Variants in FKBP5 observed in about 807,000 individuals in gnomAD.
FKBP5 encodes the protein peptidyl-prolyl cis-trans isomerase FKBP5.
Under a neutral mutation model 50.5 loss-of-function variants are expected in FKBP5, and 23 were observed. The observed-to-expected ratio is 0.46, with a 90% CI of 0.33 to 0.65. The LOEUF (loss-of-function observed/expected upper bound fraction) is 0.65, where lower values mean the gene tolerates loss of function less well. Ranked by LOEUF, FKBP5 falls within the 30% of genes least tolerant of loss-of-function variation. FKBP5 has a pLI of 0.02. For missense variants in FKBP5, 411 were observed against 553.1 expected (o/e 0.74, Z 2.58); for synonymous variants, 176 against 190.6 (o/e 0.92, Z 0.63).
At chr6:35,620,674 G>A (rs1011730655) in intron 3 of FKBP5, among the ~76,000 whole-genome samples, 12 of 152,100 alleles carry the variant, frequency 7.9e-5, no homozygotes, top group African/African-American at 2.4e-4. Flanking sequence ...TTAAGCCTGG[G>A]AGCCCAGGAG....
At position 35,575,921 on chromosome 6, in the gene FKBP5, C is replaced by T. The variant is rs746311064; in HGVS notation, c.1288G>A (p.Gly430Ser). Residue 430 changes from glycine (G) to serine (S), a missense_variant, in exon 11 of 11, where the codon GGC becomes AGC. Gly to Ser is a moderately conservative substitution (Grantham distance 56). This residue lies in a region of FKBP5 where 88 missense variants were observed against 89.0 expected (regional missense o/e 0.99). Transcript: ENST00000357266. The stretch of plus-strand genomic sequence containing the variant: ...GTGACCCCTTCTGAAGTCTTCTTGC[C>T]CATTGCTTTATTGGCCTCTTCCTAA... ...DAKEEANKAM[G>S]KKTSEGVTNE... 5 of 1,613,064 alleles carry T rather than the reference C, an allele frequency of 3.1e-6. No homozygotes were observed. The highest frequency in any genetic ancestry group is 1.7e-4 in the Middle Eastern group (1 of 6,060).
At chr6:35,598,974 CAAAATAAATAAA>C (rs1267658556) in intron 5 of FKBP5, among the ~76,000 whole-genome samples, 4 of 150,714 alleles carry the variant, frequency 2.7e-5, no homozygotes, top group African/African-American at 4.9e-5. Flanking sequence ...GACTCCATCT[CAAAATAAATAAA>C]AAAATAAATA....
chr6:35,679,696 T>C (rs1039741650), intron 1 of FKBP5, among the ~76,000 whole-genome samples: 5 of 152,172 alleles, frequency 3.3e-5, no homozygotes, highest in African/African-American at 1.2e-4. Flanking sequence ...CTGCATGTTC[T>C]CACCTATAAG....
At chr6:35,627,928 A>AT (rs35468991) in intron 3 of FKBP5, among the ~76,000 whole-genome samples, 55,585 of 108,330 alleles carry the variant, frequency 0.51, 14,875 homozygotes, top group Middle Eastern at 0.61. Context: ...TGCCCAGCTA[A>AT]TTTTTTTTTT....
chr6:35,698,991 G>C (rs950210863), intron 2 of FKBP5, among the ~76,000 whole-genome samples: 2 of 152,168 alleles, frequency 1.3e-5, no homozygotes, highest in African/African-American at 4.8e-5. Context: ...ATTTGGTGGG[G>C]ACACAAATCC....
intron 5 of FKBP5, among the ~76,000 whole-genome samples, chr6:35,613,472 T>A (rs1763554226): frequency 6.6e-6 from 1 of 152,218 alleles, no homozygotes; most frequent in South Asian, 2.1e-4. Flanking sequence ...CACCTCGGCC[T>A]CCCAAAGTGC....
chr6:35,627,542 C>G (rs1404288338), intron 3 of FKBP5, among the ~76,000 whole-genome samples: 1 of 152,102 alleles, frequency 6.6e-6, no homozygotes, highest in Non-Finnish European at 1.5e-5. Context: ...ATAAGATTTG[C>G]AAACATTTTT....
intron 6 of FKBP5, among the ~76,000 whole-genome samples, chr6:35,594,960 C>T (rs1762936387): frequency 6.6e-6 from 1 of 151,924 alleles, no homozygotes. Context: ...TCTTGTGGTC[C>T]GAGGGTAAAA....
At chr6:35,587,179 T>A in intron 7 of FKBP5, 62 bp from the exon 8 acceptor site, 1 of 1,437,504 alleles carries the variant, frequency 7.0e-7, no homozygotes, top group Non-Finnish European at 9.8e-7. Flanking sequence ...TTGAGGCCTA[T>A]TGGAACAAAG....
rs545143931 is a variant in FKBP5, at chr6:35,641,417, G to A, written c.105+1303C>T. Among the ~76,000 whole-genome samples, 3 of 152,274 alleles carry A rather than the reference G, an allele frequency of 2.0e-5. No individual in the cohort carries two copies. In the South Asian group the frequency reaches 6.2e-4, roughly 32 times the overall value. ...TTATGTACTATACATAACTGTGACT[G>A]CAGTGCAGTAGGTTTGTTTACACCC... is the stretch of plus-strand genomic sequence containing the variant. On this transcript the variant is annotated intron_variant, in intron 2 of 10. Transcript: ENST00000357266.
chr6:35,651,847 TG>T, intron 1 of FKBP5: 1 of 882,226 alleles, frequency 1.1e-6, no homozygotes, highest in Non-Finnish European at 1.5e-6. Context: ...GTTTAACTTG[TG>T]GACAAAGACT....
intron 5 of FKBP5, among the ~76,000 whole-genome samples, chr6:35,612,810 G>T (rs1763530372): frequency 6.6e-6 from 1 of 152,196 alleles, no homozygotes; most frequent in African/African-American, 2.4e-5. Context: ...CCCCGATTCA[G>T]TTACCTCCCA....
intron 10 of FKBP5, among the ~76,000 whole-genome samples, chr6:35,576,304 A>G (rs757766188): frequency 1.3e-5 from 2 of 152,092 alleles, no homozygotes; most frequent in Admixed American, 6.5e-5. Context: ...TGGGGCTCCT[A>G]TAACATCCCA....
chr6:35,641,892 A>T (rs1764502292), intron 2 of FKBP5, among the ~76,000 whole-genome samples: 1 of 151,928 alleles, frequency 6.6e-6, no homozygotes, highest in Non-Finnish European at 1.5e-5. Context: ...GCTACTCGGG[A>T]GGCTGAGGCA....
At chr6:35,652,488 G>GC (rs916684576) in intron 1 of FKBP5, among the ~76,000 whole-genome samples, 5 of 152,088 alleles carry the variant, frequency 3.3e-5, no homozygotes, top group South Asian at 2.1e-4. Context: ...CTCTGAACTG[G>GC]CCCCCCCGGG....
intron 5 of FKBP5, among the ~76,000 whole-genome samples, chr6:35,602,215 A>AAAC (rs1763168034): frequency 6.6e-6 from 1 of 152,210 alleles, no homozygotes; most frequent in South Asian, 2.1e-4. Context: ...AAGAACCCCT[A>AAAC]AACCATGCAA....
At chr6:35,648,220 G>A (rs1764683332) in intron 1 of FKBP5, among the ~76,000 whole-genome samples, 1 of 152,054 alleles carries the variant, frequency 6.6e-6, no homozygotes, top group South Asian at 2.1e-4. Context: ...TTTCATCTTT[G>A]TCTCTGGCTT....
intron 6 of FKBP5, 24 bp downstream of exon 6, chr6:35,597,224 G>T: frequency 6.2e-7 from 1 of 1,612,702 alleles, no homozygotes; most frequent in Non-Finnish European, 8.5e-7. Flanking sequence ...ACTTCACTGT[G>T]TTCCAAACTG....
chr6:35,603,443 T>C (rs1203921883), intron 5 of FKBP5, among the ~76,000 whole-genome samples: 2 of 152,172 alleles, frequency 1.3e-5, no homozygotes. Context: ...AGCAAGTAAA[T>C]ATTTATTTAA....
Sources: gnomAD v4.1 joint callset for allele counts (sites outside exome capture counted in the v4.1 genomes callset) on GRCh38, gnomAD v4.1.1 for gene constraint, gnomAD v4.1.1 regional missense constraint, MANE v1.5 for transcripts, NCBI Gene and HGNC (gene_info 2026-07-23, HGNC 2026-07-21) for gene names.